PRDM2: variants seen among roughly 807,000 people sequenced by gnomAD.
The protein encoded by PRDM2 is PR domain zinc finger protein 2.
A neutral mutation model predicts 130.0 loss-of-function variants in PRDM2; 30 were observed. The observed-to-expected ratio is 0.23, with a 90% CI of 0.17 to 0.31. The LOEUF is 0.31. PRDM2 is among the 10% of genes least tolerant of loss of function. The pLI is 1.00. For synonymous variants in PRDM2, 871 were observed against 782.4 expected, an observed-to-expected ratio of 1.11 and a Z score of -1.89; for missense variants, 2,011 against 2,108.4, an observed-to-expected ratio of 0.95 and a Z score of 0.90.
chr1:13,767,181 T>G (rs1185714511), intron 6 of PRDM2, among the ~76,000 whole-genome samples: 2 of 152,216 alleles, frequency 1.3e-5, no homozygotes, highest in Non-Finnish European at 2.9e-5. Context: ...TGAATCATAC[T>G]TGTTCAGATC....
intron 8 of PRDM2, chr1:13,787,603 T>C (rs1644767827): frequency 2.0e-6 from 2 of 976,228 alleles, no homozygotes; most frequent in Non-Finnish European, 2.4e-6. Flanking sequence ...GGACTTTATG[T>C]TGAAATATTG....
intron 2 of PRDM2, 116 bp downstream of exon 2, chr1:13,715,730 C>G (rs1642511785): frequency 1.1e-6 from 1 of 924,558 alleles, no homozygotes; most frequent in South Asian, 1.9e-5. Flanking sequence ...ATTTTTGTTT[C>G]TTAATACCAT....
chr1:13,792,008 ATGTTTCTG>A (rs1310987480), intron 8 of PRDM2, among the ~76,000 whole-genome samples: 2 of 152,334 alleles, frequency 1.3e-5, no homozygotes, highest in South Asian at 4.1e-4. Flanking sequence ...AGAACAAGCC[ATGTTTCTG>A]AACACCCTTT....
chr1:13,709,146 A>G (rs1357849014), intron 1 of PRDM2, among the ~76,000 whole-genome samples: 1 of 151,020 alleles, frequency 6.6e-6, no homozygotes, highest in Non-Finnish European at 1.5e-5. Context: ...TCTGAAGTTT[A>G]CAGTTTTTTT....
chr1:13,740,154 T>C (rs1171713406), intron 4 of PRDM2, among the ~76,000 whole-genome samples: 1 of 152,242 alleles, frequency 6.6e-6, no homozygotes, highest in Non-Finnish European at 1.5e-5. Context: ...TGTAACACTT[T>C]GCTTTTTGCA....
intron 6 of PRDM2, chr1:13,770,361 A>C (rs758769349): frequency 1.4e-5 from 7 of 485,724 alleles, no homozygotes; most frequent in Non-Finnish European, 2.9e-5. Context: ...TTTTGAGTGC[A>C]TCTTAATGGT....
chr1:13,790,317 G>A (rs1287708618), intron 8 of PRDM2, among the ~76,000 whole-genome samples: 9 of 152,190 alleles, frequency 5.9e-5, no homozygotes, highest in Admixed American at 5.9e-4. Context: ...CCTGCAAAGT[G>A]GGCACTATTG....
In PRDM2 at chr1:13,769,132, C is replaced by G. The variant is rs141331447; in HGVS notation, c.512-3946C>G. The G allele has an allele frequency of 1.3e-3, 1,246 of 985,582 alleles. 4 individuals carry two copies. The Middle Eastern group carries it at 0.02, about 16-fold the overall frequency. The allele number at this position is 985,582 out of a possible 1,614,324, so 61.1% of individuals were successfully genotyped here. ...TTCTTGTCTAGACCAAGCGGAGCAG[C>G]CAGCTGGCAGTAGCGCCCTGTAGGA... On this transcript the variant is annotated intron_variant, in intron 6 of 9. Transcript: ENST00000311066.
At chr1:13,736,423 A>T (rs1053008662) in intron 4 of PRDM2, among the ~76,000 whole-genome samples, 10 of 151,998 alleles carry the variant, frequency 6.6e-5, no homozygotes, top group African/African-American at 2.4e-4. Context: ...CACCTGGCTT[A>T]TTTACATCAT....
intron 2 of PRDM2, among the ~76,000 whole-genome samples, chr1:13,725,815 A>G (rs1642895498): frequency 6.6e-6 from 1 of 152,202 alleles, no homozygotes; most frequent in African/African-American, 2.4e-5. Context: ...CAGAAAGGGA[A>G]TTCTCAGGTG....
chr1:13,813,187 G>A (rs538349677), intron 8 of PRDM2, among the ~76,000 whole-genome samples: 93 of 152,216 alleles, frequency 6.1e-4, no homozygotes, highest in South Asian at 3.7e-3. Context: ...TGGTCTTCCC[G>A]ATTTGCAGAA....
chr1:13,802,305 G>A (rs1333421709), intron 8 of PRDM2, among the ~76,000 whole-genome samples: 1 of 152,176 alleles, frequency 6.6e-6, no homozygotes, highest in Non-Finnish European at 1.5e-5. Context: ...GCACACCCAG[G>A]CCTCCCAAGA....
At chr1:13,755,111 G>A (rs1159099175) in intron 6 of PRDM2, among the ~76,000 whole-genome samples, 1 of 152,142 alleles carries the variant, frequency 6.6e-6, no homozygotes, top group East Asian at 1.9e-4. Flanking sequence ...TCAACAGTAG[G>A]AGTTCGGGAA....
At chr1:13,820,278 G>A (rs1033339937) in intron 9 of PRDM2, among the ~76,000 whole-genome samples, 1 of 152,166 alleles carries the variant, frequency 6.6e-6, no homozygotes, top group Non-Finnish European at 1.5e-5. Flanking sequence ...TCAAGGCTTC[G>A]TCACCCGTCT....
chr1:13,810,854 A>T (rs1317597782), intron 8 of PRDM2, among the ~76,000 whole-genome samples: 1 of 151,902 alleles, frequency 6.6e-6, no homozygotes, highest in Non-Finnish European at 1.5e-5. Flanking sequence ...CCCAGGCATG[A>T]ATTTTAGTGC....
chr1:13,801,440 C>T (rs1457872017), intron 8 of PRDM2, among the ~76,000 whole-genome samples: 1 of 152,210 alleles, frequency 6.6e-6, no homozygotes, highest in Non-Finnish European at 1.5e-5. Flanking sequence ...CCTGTCAGCA[C>T]ATGAAAGGCT....
At position 13,779,037 on chromosome 1, in the gene PRDM2, A is replaced by C; in HGVS notation, c.1242A>C (p.Ala414=). ...GGCGACATGAGCGGCGCCATGAAGCAGGGTTAAAGCGGAAACCCAGCCAAA... is the reference window on the plus strand; with the variant it reads ...GGCGACATGAGCGGCGCCATGAAGCCGGGTTAAAGCGGAAACCCAGCCAAA... The part of the protein sequence containing the change: ...NRRRHERRHE[A]GLKRKPSQTL... Residue 414 remains alanine (A), a synonymous_variant, in exon 8 of 10, where the codon GCA becomes GCC. Coordinates refer to ENST00000311066, the MANE Select transcript of PRDM2 (RefSeq NM_001393986.1). This position sits in a 1 kb window ranked among gnomAD's most constrained non-coding sequence, Gnocchi z 4.9. The C allele has an allele frequency of 6.2e-7, 1 of 1,614,188 alleles. No individual in the cohort carries two copies. Among genetic ancestry groups the C allele is most frequent in the Non-Finnish European group, 8.5e-7 (1 of 1,180,016 alleles).
intron 6 of PRDM2, among the ~76,000 whole-genome samples, chr1:13,761,022 A>G (rs1644085235): frequency 6.6e-6 from 1 of 152,252 alleles, no homozygotes; most frequent in African/African-American, 2.4e-5. Context: ...GCACTAAGGA[A>G]TTCTTCATGT....
intron 6 of PRDM2, among the ~76,000 whole-genome samples, chr1:13,764,074 A>G (rs1644166616): frequency 6.6e-6 from 1 of 152,216 alleles, no homozygotes; most frequent in Non-Finnish European, 1.5e-5. Context: ...ATCAGGATGC[A>G]GTATTGTAAA....
Sources: allele counts gnomAD v4.1 joint callset (sites outside exome capture counted in the v4.1 genomes callset), GRCh38; gene constraint gnomAD v4.1.1; non-coding constraint Gnocchi (gnomAD v3.1); transcripts MANE v1.5; gene names NCBI Gene and HGNC (gene_info 2026-07-23, HGNC 2026-07-21).